The following ANKRD13D variants were observed in gnomAD, a reference collection of about 807,000 sequenced individuals.
ANKRD13D encodes ankyrin repeat domain-containing protein 13D.
A neutral mutation model predicts 68.8 loss-of-function variants in ANKRD13D; 24 were observed. That is an observed-to-expected ratio of 0.35 (90% CI 0.25 to 0.49). The LOEUF is 0.49. ANKRD13D is among the 20% of genes least tolerant of loss of function. ANKRD13D has a pLI of 0.99. For synonymous variants in ANKRD13D, 331 were observed against 336.1 expected, an observed-to-expected ratio of 0.98 and a Z score of 0.16; for missense variants, 735 against 832.1, an observed-to-expected ratio of 0.88 and a Z score of 1.44.
Position 67,289,338 on chromosome 11 carries a change from CG to C in ANKRD13D, c.-122del. 1 of 575,460 alleles carries C rather than the reference CG, an allele frequency of 1.7e-6. No individual in the cohort carries two copies. The highest frequency in any genetic ancestry group is 2.2e-6 in the Non-Finnish European group (1 of 451,138). 35.6% of individuals were successfully genotyped at this position (575,460 alleles called of 1,614,324 possible). ...CCGCCCGCGCTGCCGCCGCCGCCGC[CG>C]CCGCCGCTACTGCTGCGGGGGCCGC... On this transcript the variant is annotated 5_prime_UTR_variant, in exon 1 of 15. Coordinates refer to ENST00000511455, the MANE Select transcript of ANKRD13D (RefSeq NM_207354.3).
chr11:67,299,176 C>T lies in ANKRD13D; in HGVS notation c.798+52C>T. The T allele has an allele frequency of 6.3e-7, 1 of 1,587,470 alleles. No individual in the cohort carries two copies. The highest frequency in any genetic ancestry group is 8.6e-7 in the Non-Finnish European group (1 of 1,158,856). On this transcript the variant is annotated intron_variant, in intron 7 of 14. Coordinates refer to ENST00000511455, the MANE Select transcript of ANKRD13D (RefSeq NM_207354.3). This position sits in a 1 kb window ranked among gnomAD's most constrained non-coding sequence, Gnocchi z 6.2. ...GGGGGTAGGAGATGAGGTCCAGGAA[C>T]TCAGCTCCTCTCCACATCCATCCCA...
intron 6 of ANKRD13D, among the ~76,000 whole-genome samples, chr11:67,293,906 C>A (rs995685793): frequency 9.2e-5 from 14 of 152,126 alleles, no homozygotes; most frequent in Non-Finnish European, 1.8e-4. Flanking sequence ...GTCTTTGAGC[C>A]ATTTTAAGTT....
chr11:67,291,373 AAAG>A, intron 3 of ANKRD13D, 100 bp from the exon 4 acceptor site: 3 of 1,183,782 alleles, frequency 2.5e-6, no homozygotes, highest in African/African-American at 1.6e-5. Flanking sequence ...AAAAAAAAAA[AAAG>A]ACCTGATGAA....
At chr11:67,295,472 C>T (rs1373082362) in intron 6 of ANKRD13D, among the ~76,000 whole-genome samples, 1 of 151,420 alleles carries the variant, frequency 6.6e-6, no homozygotes, top group Non-Finnish European at 1.5e-5. Context: ...CGCCTGTAAT[C>T]CCAGAACTTT....
intron 3 of ANKRD13D, 68 bp from the exon 4 acceptor site, chr11:67,291,408 A>C (rs1860538341): frequency 6.6e-7 from 1 of 1,526,706 alleles, no homozygotes; most frequent in Non-Finnish European, 9.0e-7. Flanking sequence ...GCTGTGGACA[A>C]GGGGCTCCCA....
rs1195089391 is a variant in ANKRD13D at position 67,292,200 on chromosome 11, A to G, written c.731+20A>G. On this transcript the variant is annotated intron_variant, in intron 6 of 14. Transcript: ENST00000511455. Reference sequence around the variant, plus strand: ...TGAGAGGTCGGTCGGGTCCTGGCACACCGTGGGTGGGATGGGGACGGATAG... The same window carrying G: ...TGAGAGGTCGGTCGGGTCCTGGCACGCCGTGGGTGGGATGGGGACGGATAG... 6 of 1,566,922 alleles carry G rather than the reference A, an allele frequency of 3.8e-6. No individual in the cohort carries two copies. The highest frequency in any genetic ancestry group is 5.2e-6 in the Non-Finnish European group (6 of 1,147,978).
chr11:67,300,765 C>T lies in ANKRD13D; in HGVS notation c.1074-225C>T, dbSNP rs1052964643. 3.3e-6 allele frequency: 2 copies of T among 597,460 alleles called. No individual in the cohort carries two copies. The highest frequency in any genetic ancestry group is 5.9e-6 in the Non-Finnish European group (2 of 340,970). 37.0% of individuals were successfully genotyped at this position (597,460 alleles called of 1,614,324 possible). A position where few individuals can be genotyped will look rare whatever the true frequency, so the allele number is the denominator to read the frequency against. On this transcript the variant is annotated intron_variant, in intron 10 of 14. Coordinates refer to ENST00000511455, the MANE Select transcript of ANKRD13D (RefSeq NM_207354.3). The surrounding 1 kb of genome is among the most constrained non-coding windows in gnomAD (Gnocchi z 4.3). ...CTTGTCCAGACCAGATGAGCTGGTA[C>T]GAAATCCTCAGGAGCCCCAGCCTGG... is the stretch of plus-strand genomic sequence containing the variant.
At position 67,301,202 on chromosome 11, in the gene ANKRD13D, G is replaced by T. The variant is rs1860971240; in HGVS notation, c.1231+55G>T. On this transcript the variant is annotated intron_variant, in intron 11 of 14. Transcript: ENST00000511455. The surrounding 1 kb of genome is among the most constrained non-coding windows in gnomAD (Gnocchi z 4.5). The stretch of plus-strand genomic sequence containing the variant: ...ACCTCAGGCATGGCACCCTCCCTCA[G>T]CGCAGTCCCTGGAGAGCTGCAGGGG... 6.2e-6 allele frequency: 10 copies of T among 1,601,910 alleles called. No homozygotes were observed. Among genetic ancestry groups the T allele is most frequent in the Middle Eastern group, 1.7e-4 (1 of 6,044 alleles).
At position 67,289,319 on chromosome 11, in the gene ANKRD13D, G is replaced by GCGCGGC; in HGVS notation, c.-139_-138insGGCCGC. 1 of 331,528 alleles carries GCGCGGC rather than the reference G, an allele frequency of 3.0e-6. No homozygotes were observed. The highest frequency in any genetic ancestry group is 1.1e-4 in the South Asian group (1 of 9,036). The allele number at this position is 331,528 out of a possible 1,614,324, so 20.5% of individuals were successfully genotyped here. On this transcript the variant is annotated 5_prime_UTR_variant, in exon 1 of 15. Coordinates refer to ENST00000511455, the MANE Select transcript of ANKRD13D (RefSeq NM_207354.3). Reference sequence around the variant, plus strand: ...GCCCGCCCCGCCCTCCCTGCCGCCCGCGCTGCCGCCGCCGCCGCCGCCGCC... The same window carrying GCGCGGC: ...GCCCGCCCCGCCCTCCCTGCCGCCCGCGCGGCCGCTGCCGCCGCCGCCGCCGCCGCC...
chr11:67,291,446 G>T, intron 3 of ANKRD13D, 30 bp from the exon 4 acceptor site: 1 of 1,613,280 alleles, frequency 6.2e-7, no homozygotes, highest in Non-Finnish European at 8.5e-7. Context: ...AGCAGGCAGG[G>T]CGCTGACAAG....
chr11:67,296,274 ATAAT>A (rs1212110137), intron 6 of ANKRD13D, among the ~76,000 whole-genome samples: 2 of 151,890 alleles, frequency 1.3e-5, no homozygotes, highest in African/African-American at 4.8e-5. Context: ...TAGTTTGCAA[ATAAT>A]TGGTATTAAT....
In ANKRD13D at chr11:67,302,369, G is replaced by T; in HGVS notation, c.*37G>T. 1 of 1,450,526 alleles carries T rather than the reference G, an allele frequency of 6.9e-7. No individual in the cohort carries two copies. The highest frequency in any genetic ancestry group is 9.1e-7 in the Non-Finnish European group (1 of 1,096,132). 89.9% of individuals were successfully genotyped at this position (1,450,526 alleles called of 1,614,324 possible). On this transcript the variant is annotated 3_prime_UTR_variant, in exon 15 of 15. Transcript: ENST00000511455. Reference sequence around the variant, plus strand: ...GGGAGGGCTGGCCAGGCCACTCCCTGCCCGCTTTTGTAATTTATTTATTTA... The same window carrying T: ...GGGAGGGCTGGCCAGGCCACTCCCTTCCCGCTTTTGTAATTTATTTATTTA...
At chr11:67,295,008 G>A (rs140459437) in intron 6 of ANKRD13D, among the ~76,000 whole-genome samples, 172 of 152,106 alleles carry the variant, frequency 1.1e-3, no homozygotes, top group African/African-American at 4.0e-3. Flanking sequence ...TAACATATAA[G>A]ATTATGTTAT....
In ANKRD13D at chr11:67,291,669, G is replaced by A. The variant is rs761671934; in HGVS notation, c.464G>A (p.Arg155Gln). 5 of 1,614,104 alleles carry A rather than the reference G, an allele frequency of 3.1e-6. No individual in the cohort carries two copies. Among genetic ancestry groups the A allele is most frequent in the Non-Finnish European group, 4.2e-6 (5 of 1,180,038 alleles). The change falls in exon 5 of 15, where the codon CGA becomes CAA. Residue 155 changes from arginine to glutamine, a missense_variant. By Grantham distance (43) the Arg-to-Gln change is conservative. Coordinates refer to ENST00000511455, the MANE Select transcript of ANKRD13D (RefSeq NM_207354.3). Reference sequence around the variant, plus strand: ...GTGTGGAAGCGGGGTGAGAGCCTGCGAGTAGACACCAGTCTCCTGGGCTTC... The same window carrying A: ...GTGTGGAAGCGGGGTGAGAGCCTGCAAGTAGACACCAGTCTCCTGGGCTTC... ...YRVWKRGESL[R>Q]VDTSLLGFEH...
intron 6 of ANKRD13D, chr11:67,298,337 C>G (rs1860844458): frequency 6.6e-6 from 1 of 152,284 alleles, no homozygotes; most frequent in Admixed American, 6.5e-5. Context: ...GCTGGGATTA[C>G]AGGCATGAGC....
chr11:67,291,956 T>C (rs1860575299), intron 5 of ANKRD13D, 35 bp from the exon 6 acceptor site: 2 of 1,546,386 alleles, frequency 1.3e-6, no homozygotes, highest in Admixed American at 1.9e-5. Context: ...CAGCACTGAT[T>C]TGCGCCCCCT....
Position 67,299,589 on chromosome 11 carries a change from TCAGG to T in ANKRD13D, c.859_862del (p.Gln287ThrfsTer78). ...GCACACGCACGGAGCACCTCTCTGA[TCAGG>T]ACAAGTCGAGGAGCAAAGGTAAACC... On this transcript the variant is annotated frameshift_variant, in exon 8 of 15. Transcript: ENST00000511455. LOFTEE classifies it high-confidence loss of function. This position sits in a 1 kb window ranked among gnomAD's most constrained non-coding sequence, Gnocchi z 6.2. 6.4e-7 allele frequency: 1 copy of T among 1,551,156 alleles called. No homozygotes were observed. Among genetic ancestry groups the T allele is most frequent in the Non-Finnish European group, 8.7e-7 (1 of 1,146,934 alleles).
chr11:67,291,779 G>A (rs759088435), intron 5 of ANKRD13D, 33 bp downstream of exon 5: 24 of 1,606,662 alleles, frequency 1.5e-5, no homozygotes, highest in Non-Finnish European at 1.8e-5. Context: ...GCAGCTCCTC[G>A]GCCCTTGGGT....
At position 67,299,380 on chromosome 11, in the gene ANKRD13D, TC is replaced by T. The variant is rs1860884990; in HGVS notation, c.799-148del. ...GGGCTGCATCTCCTCGTTGGTGACTTCCTGGGGTTCAGACCCTGCCACCTCC... is the reference window on the plus strand; with the variant it reads ...GGGCTGCATCTCCTCGTTGGTGACTTCTGGGGTTCAGACCCTGCCACCTCC... On this transcript the variant is annotated intron_variant, in intron 7 of 14. Coordinates refer to ENST00000511455, the MANE Select transcript of ANKRD13D (RefSeq NM_207354.3). This position sits in a 1 kb window ranked among gnomAD's most constrained non-coding sequence, Gnocchi z 6.2. 4.0e-6 allele frequency: 3 copies of T among 746,382 alleles called. No individual in the cohort carries two copies. Among genetic ancestry groups the T allele is most frequent in the South Asian group, 1.8e-5 (1 of 54,666 alleles). 46.2% of individuals were successfully genotyped at this position (746,382 alleles called of 1,614,324 possible). A position where few individuals can be genotyped will look rare whatever the true frequency, so the allele number is the denominator to read the frequency against.
Sources: gnomAD v4.1 joint callset for allele counts (sites outside exome capture counted in the v4.1 genomes callset) on GRCh38, gnomAD v4.1.1 for gene constraint, Gnocchi (gnomAD v3.1) non-coding constraint, MANE v1.5 for transcripts, NCBI Gene and HGNC (gene_info 2026-07-23, HGNC 2026-07-21) for gene names.